The following IL13RA1 variants were observed in gnomAD, a reference collection of about 807,000 sequenced individuals.
The protein encoded by IL13RA1 is interleukin 13 receptor subunit alpha 1.
In IL13RA1, 14 loss-of-function variants were observed where a neutral mutation model predicts 33.8. The observed-to-expected ratio is 0.41, with a 90% confidence interval of 0.27 to 0.65. IL13RA1 has a LOEUF of 0.65. Ranked by LOEUF, IL13RA1 falls within the 30% of genes least tolerant of loss-of-function variation. IL13RA1 has a pLI of 0.28. For synonymous variants in IL13RA1, 116 were observed against 115.7 expected, an observed-to-expected ratio of 1.00 and a Z score of -0.02; for missense variants, 313 against 327.0, an observed-to-expected ratio of 0.96 and a Z score of 0.33.
chrX:118,743,900 CT>C (rs1427353139), intron 2 of IL13RA1, among the ~76,000 whole-genome samples: 1 of 111,996 alleles, frequency 8.9e-6, no homozygotes, highest in Admixed American at 9.5e-5. Context: ...AATCCCAGCA[CT>C]TTGGGAGGCC....
At chrX:118,790,542 T>C (rs1478345732) in intron 10 of IL13RA1, among the ~76,000 whole-genome samples, 2 of 112,076 alleles carry the variant, frequency 1.8e-5, no homozygotes, top group Admixed American at 9.5e-5. Context: ...GTATGTGTTA[T>C]TTTATAACCA....
intron 6 of IL13RA1, among the ~76,000 whole-genome samples, chrX:118,764,764 T>A (rs2017628121): frequency 8.9e-6 from 1 of 111,945 alleles, no homozygotes. Context: ...AAGTGACTTT[T>A]ATTGTGTGGA....
chrX:118,784,958 A>G (rs1222053616), intron 10 of IL13RA1, among the ~76,000 whole-genome samples: 1 of 110,458 alleles, frequency 9.1e-6, no homozygotes, highest in African/African-American at 3.3e-5. Context: ...TTACCAGAAT[A>G]TGTGTTGGCG....
At chrX:118,800,287 C>T in the IL13RA1 span, among the ~76,000 whole-genome samples, 10 of 110,184 alleles carry the variant, frequency 9.1e-5, no homozygotes, top group African/African-American at 2.6e-4. Flanking sequence ...GGTCCCCTTC[C>T]ACTTCTTTCA....
intron 10 of IL13RA1, among the ~76,000 whole-genome samples, chrX:118,777,989 C>T (rs535935868): frequency 9.0e-6 from 1 of 110,822 alleles, no homozygotes; most frequent in South Asian, 3.8e-4. Context: ...ATCTTTTTGA[C>T]CTTGGATAAT....
chrX:118,747,244 A>G (rs2017415941), intron 3 of IL13RA1, 152 bp downstream of exon 3: 1 of 369,591 alleles, frequency 2.7e-6, no homozygotes, highest in Admixed American at 5.0e-5. Flanking sequence ...CAGCTCAATG[A>G]AAATATGAGT....
the IL13RA1 span, among the ~76,000 whole-genome samples, chrX:118,800,491 A>C: frequency 9.0e-6 from 1 of 110,506 alleles, no homozygotes; most frequent in Admixed American, 9.6e-5. Context: ...AGCTTCACTC[A>C]TTAGCCAGTG....
intron 2 of IL13RA1, among the ~76,000 whole-genome samples, chrX:118,744,028 C>T (rs12116051): frequency 0.011 from 1,190 of 111,291 alleles, 13 homozygotes; most frequent in African/African-American, 0.037. Context: ...CACCTGTAAT[C>T]CCAACTACTT....
chrX:118,737,845 G>A lies in IL13RA1; in HGVS notation c.89-3172G>A, dbSNP rs778847638. On this transcript the variant is annotated intron_variant, in intron 1 of 10. Coordinates refer to ENST00000371666, the MANE Select transcript of IL13RA1 (RefSeq NM_001560.3). ...GGTGGGTAGGGAGAGTACTGGAAGT[G>A]CTAAACTAGGTTTCTTGGATGTGTT... is the stretch of plus-strand genomic sequence containing the variant. Among the ~76,000 whole-genome samples, 3 of 111,647 alleles carry A rather than the reference G, an allele frequency of 2.7e-5. No homozygotes were observed. In the South Asian group the frequency reaches 1.1e-3, roughly 42 times the overall value.
In IL13RA1 at chrX:118,741,027, A is replaced by G. The variant is rs950604182; in HGVS notation, c.99A>G (p.Pro33=). 25 of 1,124,931 alleles carry G rather than the reference A, an allele frequency of 2.2e-5. No individual in the cohort carries two copies. Among genetic ancestry groups the G allele is most frequent in the Non-Finnish European group, 3.1e-5 (25 of 819,080 alleles). The allele number at this position is 1,124,931 out of a possible 1,213,427, so 92.7% of individuals were successfully genotyped here. A position where few individuals can be genotyped will look rare whatever the true frequency, so the allele number is the denominator to read the frequency against. The change falls in exon 2 of 11, where the codon CCA becomes CCG. Residue 33 remains proline, a synonymous_variant. Coordinates refer to ENST00000371666, the MANE Select transcript of IL13RA1 (RefSeq NM_001560.3). ...GGGAAPTETQ[P]PVTNLSVSVE... ...CCTTGATTTGAACAGAAACTCAGCC[A>G]CCTGTGACAAATTTGAGTGTCTCTG...
intron 10 of IL13RA1, among the ~76,000 whole-genome samples, chrX:118,779,241 T>C (rs1233054086): frequency 1.8e-5 from 2 of 111,813 alleles, no homozygotes; most frequent in African/African-American, 6.5e-5. Flanking sequence ...AACAGGAATC[T>C]TTGAGCCTAT....
At chrX:118,774,138 C>CTTTCT (rs1350790423) in intron 9 of IL13RA1, among the ~76,000 whole-genome samples, 163 bp downstream of exon 9, 1 of 106,318 alleles carries the variant, frequency 9.4e-6, no homozygotes, top group African/African-American at 3.5e-5. Flanking sequence ...ACCACGCCCA[C>CTTTCT]TTTCTTTTCT....
At chrX:118,766,473 A>G in intron 6 of IL13RA1, 57 bp from the exon 7 acceptor site, 1 of 597,153 alleles carries the variant, frequency 1.7e-6, no homozygotes, top group Non-Finnish European at 2.8e-6. Flanking sequence ...GGTGATAGAA[A>G]ATGGGTTTTT....
intron 1 of IL13RA1, among the ~76,000 whole-genome samples, chrX:118,734,498 C>G (rs957881226): frequency 5.4e-5 from 6 of 111,976 alleles, no homozygotes; most frequent in Non-Finnish European, 9.4e-5. Flanking sequence ...TTTTCTTACA[C>G]TCCTAGTTTG....
Position 118,793,927 on chromosome X carries a change from G to C in IL13RA1, c.*2073G>C, listed in dbSNP as rs1477905697. 1 of 112,175 alleles carries C rather than the reference G, an allele frequency of 8.9e-6. No homozygotes were observed. The highest frequency in any genetic ancestry group is 1.9e-5 in the Non-Finnish European group (1 of 53,225). The allele number at this position is 112,175 out of a possible 1,213,427, so 9.2% of individuals were successfully genotyped here. ...AGTAGATGTTCTACTTTGTTCTGCT[G>C]TTCTCTAGAAAGAATATTTGGTTTT... On this transcript the variant is annotated 3_prime_UTR_variant, in exon 11 of 11. Transcript: ENST00000371666.
chrX:118,797,525 TCC>T (rs1434473480), downstream of IL13RA1, among the ~76,000 whole-genome samples: 2 of 112,141 alleles, frequency 1.8e-5, no homozygotes. Flanking sequence ...CAGCCTCCTG[TCC>T]CACTCCTCCT....
chrX:118,791,518 C>T (rs900081055), intron 10 of IL13RA1, among the ~76,000 whole-genome samples: 3 of 109,224 alleles, frequency 2.7e-5, no homozygotes, highest in Non-Finnish European at 5.7e-5. Flanking sequence ...TGGAGATAGT[C>T]ATTGTACATC....
intron 6 of IL13RA1, among the ~76,000 whole-genome samples, chrX:118,766,149 T>A (rs745536624): frequency 8.9e-6 from 1 of 112,097 alleles, no homozygotes; most frequent in East Asian, 2.8e-4. Flanking sequence ...CTCTTTATGG[T>A]TAATATGGGA....
chrX:118,767,447 G>C (rs1005309568), intron 8 of IL13RA1, among the ~76,000 whole-genome samples: 2 of 111,154 alleles, frequency 1.8e-5, no homozygotes, highest in African/African-American at 6.6e-5. Flanking sequence ...AGGCAGAGAT[G>C]GGAAGATCTC....
Sources: gnomAD v4.1 joint callset for allele counts (sites outside exome capture counted in the v4.1 genomes callset) on GRCh38, gnomAD v4.1.1 for gene constraint, MANE v1.5 for transcripts, NCBI Gene and HGNC (gene_info 2026-07-23, HGNC 2026-07-21) for gene names.